Variants in FAM178B observed in about 807,000 individuals in gnomAD.
The protein encoded by FAM178B is family with sequence similarity 178 member B.
In FAM178B, 82 loss-of-function variants were observed where a neutral mutation model predicts 91.7. The ratio of observed to expected loss-of-function variants is 0.89; its 90% CI spans 0.75 to 1.07. The LOEUF (loss-of-function observed/expected upper bound fraction) is 1.07, where lower values mean the gene tolerates loss of function less well. Ranked by LOEUF, FAM178B falls within the 50% of genes least tolerant of loss-of-function variation. The pLI is 0.00. For missense variants in FAM178B, 769 were observed against 846.7 expected, an observed-to-expected ratio of 0.91 and a Z score of 1.14; for synonymous variants, 368 against 359.4, an observed-to-expected ratio of 1.02 and a Z score of -0.27.
rs556083733 is a variant in FAM178B at position 96,952,176 on chromosome 2, C to T, written c.888-692G>A. Among the ~76,000 whole-genome samples, 8 of 152,210 alleles carry T rather than the reference C, an allele frequency of 5.3e-5. No homozygotes were observed. In the East Asian group the frequency reaches 1.2e-3, roughly 22 times the overall value. On this transcript the variant is annotated intron_variant, in intron 6 of 16. Coordinates refer to ENST00000490605, the MANE Select transcript of FAM178B (RefSeq NM_001122646.3). ...TTCCTCCAGCTGCAAGGGGCGGGCA[C>T]GATTACCCCCACGAGGCCAGCGTCT...
chr2:96,941,502 G>T (rs1174192770), intron 8 of FAM178B, among the ~76,000 whole-genome samples: 2 of 152,230 alleles, frequency 1.3e-5, no homozygotes, highest in African/African-American at 2.4e-5. Context: ...CAAGGCCCCA[G>T]TGGCCACGAG....
chr2:96,972,804 G>A (rs1270363496), intron 1 of FAM178B, among the ~76,000 whole-genome samples, 198 bp from the exon 2 acceptor site: 1 of 152,138 alleles, frequency 6.6e-6, no homozygotes, highest in African/African-American at 2.4e-5. Flanking sequence ...AGGACATGAT[G>A]GGCAAATGTG....
chr2:96,902,592 C>T (rs1461282616), intron 13 of FAM178B, 28 bp downstream of exon 13: 1 of 1,503,242 alleles, frequency 6.7e-7, no homozygotes, highest in Non-Finnish European at 9.1e-7. Context: ...CCATGGCCTT[C>T]CTGCCCAGGC....
At chr2:96,911,414 T>C (rs771743988) in intron 12 of FAM178B, among the ~76,000 whole-genome samples, 1 of 152,142 alleles carries the variant, frequency 6.6e-6, no homozygotes, top group Non-Finnish European at 1.5e-5. Flanking sequence ...CATCTTGAGT[T>C]GGGGTGGCTG....
intron 6 of FAM178B, among the ~76,000 whole-genome samples, chr2:96,952,825 C>T (rs1032272080): frequency 1.3e-5 from 2 of 152,112 alleles, no homozygotes; most frequent in Non-Finnish European, 2.9e-5. Flanking sequence ...AAACGTAAGT[C>T]ACATTTGTTC....
chr2:96,923,372 G>A, intron 10 of FAM178B, 118 bp downstream of exon 10: 1 of 763,412 alleles, frequency 1.3e-6, no homozygotes, highest in East Asian at 2.7e-5. Context: ...CCAGCACAGT[G>A]CCTGCCATGG....
chr2:96,960,526 G>C (rs1455495483), intron 5 of FAM178B, 86 bp from the exon 6 acceptor site: 15 of 1,411,686 alleles, frequency 1.1e-5, no homozygotes, highest in Non-Finnish European at 1.3e-5. Context: ...AAGGATAGAG[G>C]GGGGCCACGG....
intron 13 of FAM178B, among the ~76,000 whole-genome samples, chr2:96,900,412 T>C (rs146715257): frequency 9.9e-4 from 150 of 152,186 alleles, no homozygotes; most frequent in Non-Finnish European, 1.7e-3. Flanking sequence ...TCCACAAGCG[T>C]GCACTGCCTT....
chr2:96,949,365 A>G (rs2081887156), intron 7 of FAM178B, among the ~76,000 whole-genome samples: 1 of 152,154 alleles, frequency 6.6e-6, no homozygotes, highest in African/African-American at 2.4e-5. Context: ...TTGACTGGAC[A>G]AGGGGACCAC....
At chr2:96,877,814 T>G in intron 16 of FAM178B, 76 bp downstream of exon 16, 1 of 1,440,784 alleles carries the variant, frequency 6.9e-7, no homozygotes, top group Non-Finnish European at 9.4e-7. Flanking sequence ...CGGGGGTGGA[T>G]GTGCTGGTGG....
At position 96,876,222 on chromosome 2, in the gene FAM178B, C is replaced by T; in HGVS notation, c.*54G>A. 1 of 1,567,598 alleles carries T rather than the reference C, an allele frequency of 6.4e-7. No individual in the cohort carries two copies. The highest frequency in any genetic ancestry group is 8.7e-7 in the Non-Finnish European group (1 of 1,147,542). On this transcript the variant is annotated 3_prime_UTR_variant, in exon 17 of 17. Coordinates refer to ENST00000490605, the MANE Select transcript of FAM178B (RefSeq NM_001122646.3). ...GCTTCGCTTCCTCCAGTTCCCTGAG[C>T]CTGTTCACTTCCTGCTGAAGCCAGG...
chr2:96,936,154 T>TA (rs201418021), intron 8 of FAM178B, among the ~76,000 whole-genome samples: 56 of 151,224 alleles, frequency 3.7e-4, no homozygotes, highest in African/African-American at 9.9e-4. Flanking sequence ...TAAAGGCTAT[T>TA]AAAAAAAAAT....
intron 9 of FAM178B, among the ~76,000 whole-genome samples, chr2:96,924,207 T>C (rs1380167117): frequency 6.6e-6 from 1 of 151,980 alleles, no homozygotes; most frequent in Non-Finnish European, 1.5e-5. Flanking sequence ...AAATCACACT[T>C]CCAATCCCCC....
intron 16 of FAM178B, 90 bp from the exon 17 acceptor site, chr2:96,876,398 G>A: frequency 6.7e-7 from 1 of 1,492,244 alleles, no homozygotes; most frequent in Non-Finnish European, 9.1e-7. Flanking sequence ...TGTCCATTCA[G>A]CACCCATCGC....
At chr2:96,903,611 C>T (rs2080977056) in intron 12 of FAM178B, among the ~76,000 whole-genome samples, 1 of 152,244 alleles carries the variant, frequency 6.6e-6, no homozygotes, top group African/African-American at 2.4e-5. Context: ...GCCGCCACTA[C>T]AGCCACTGGT....
intron 14 of FAM178B, among the ~76,000 whole-genome samples, 187 bp downstream of exon 14, chr2:96,893,739 A>G (rs2080738514): frequency 6.6e-6 from 1 of 152,070 alleles, no homozygotes; most frequent in African/African-American, 2.4e-5. Context: ...TAACAGCACT[A>G]ATTACAGGTG....
At position 96,986,407 on chromosome 2, in the gene FAM178B, G is replaced by GAA. The variant is rs1559112509; in HGVS notation, c.-95_-94insTT. The GAA allele has an allele frequency of 3.5e-6, 5 of 1,444,950 alleles. No individual in the cohort carries two copies. The highest frequency in any genetic ancestry group is 2.9e-5 in the African/African-American group (2 of 69,778). The allele number at this position is 1,444,950 out of a possible 1,614,324, so 89.5% of individuals were successfully genotyped here. A position where few individuals can be genotyped will look rare whatever the true frequency, so the allele number is the denominator to read the frequency against. On this transcript the variant is annotated 5_prime_UTR_variant, in exon 1 of 17. Transcript: ENST00000490605. ...GCCAGCTAGCCGGGAAAGGAAGCAG[G>GAA]AGCAGGCTCCCCAGGCGGCGCAGTG...
rs187406860 is a variant in FAM178B at position 96,907,325 on chromosome 2, C to T, written c.1563-4618G>A. Among the ~76,000 whole-genome samples, 294 of 152,274 alleles carry T rather than the reference C, an allele frequency of 1.9e-3. 11 individuals carry two copies. The East Asian group carries it at 0.04, about 21-fold the overall frequency. On this transcript the variant is annotated intron_variant, in intron 12 of 16. Transcript: ENST00000490605. ...ATTCCATGGAGAAGAAAAAGAAAAG[C>T]CTCACCCCACCACCACCCAGACTGT...
At chr2:96,983,719 C>T (rs1194212785) in intron 1 of FAM178B, among the ~76,000 whole-genome samples, 1 of 152,176 alleles carries the variant, frequency 6.6e-6, no homozygotes, top group Admixed American at 6.5e-5. Context: ...CCACTGCATC[C>T]AGCCAAATCA....
Sources: gnomAD v4.1 joint callset for allele counts (sites outside exome capture counted in the v4.1 genomes callset) on GRCh38, gnomAD v4.1.1 for gene constraint, MANE v1.5 for transcripts, NCBI Gene and HGNC (gene_info 2026-07-23, HGNC 2026-07-21) for gene names.